The following CUX1 variants were observed in gnomAD, a reference collection of about 807,000 sequenced individuals.
The protein encoded by CUX1 is cut like homeobox 1.
CUX1 carries 31 observed loss-of-function variants against 158.8 expected under a neutral mutation model. That is an observed-to-expected ratio of 0.20 (90% CI 0.15 to 0.26). CUX1 has a LOEUF of 0.26. Ranked by LOEUF, CUX1 falls within the 10% of genes least tolerant of loss-of-function variation. The pLI is 1.00. For missense variants in CUX1, 1,589 were observed against 2,014.6 expected, an observed-to-expected ratio of 0.79 and a Z score of 4.04; for synonymous variants, 879 against 862.1, an observed-to-expected ratio of 1.02 and a Z score of -0.34.
At chr7:101,955,581 CG>C (rs1249333749) in intron 2 of CUX1, among the ~76,000 whole-genome samples, 1 of 152,184 alleles carries the variant, frequency 6.6e-6, no homozygotes, top group Non-Finnish European at 1.5e-5. Flanking sequence ...TCCCAGGGAA[CG>C]CACAGCTGGG....
Position 102,197,272 on chromosome 7 carries a change from C to T in CUX1, c.1861C>T (p.Leu621=), listed in dbSNP as rs1454491526. 8.1e-6 allele frequency: 13 copies of T among 1,613,834 alleles called. No individual in the cohort carries two copies. Among genetic ancestry groups the T allele is most frequent in the Non-Finnish European group, 1.1e-5 (13 of 1,179,886 alleles). ...GTTCCTCTCCGATGAGCAGAACATC[C>T]TGGCCCTCCGTAGCATCCAAGGCAG... ...KQFLSDEQNI[L]ALRSIQGRQR... Residue 621 remains leucine, a synonymous_variant, in exon 15 of 24, where the codon CTG becomes TTG. Transcript: ENST00000292535.
chr7:102,202,956 C>T (rs1205937227), intron 18 of CUX1, among the ~76,000 whole-genome samples: 1 of 152,066 alleles, frequency 6.6e-6, no homozygotes, highest in Non-Finnish European at 1.5e-5. Context: ...AACATCATGT[C>T]CTAGTATCAT....
chr7:102,144,378 T>C (rs1834802569), intron 8 of CUX1, among the ~76,000 whole-genome samples: 1 of 152,172 alleles, frequency 6.6e-6, no homozygotes, highest in South Asian at 2.1e-4. Flanking sequence ...CATCTCCCGT[T>C]CATGGCCCAT....
At chr7:101,952,219 CA>C (rs541073733) in intron 2 of CUX1, among the ~76,000 whole-genome samples, 3 of 150,362 alleles carry the variant, frequency 2.0e-5, no homozygotes, top group Non-Finnish European at 4.4e-5. Context: ...CCCGTCTCTA[CA>C]AAAAAAAATA....
chr7:101,972,972 C>A (rs1327338479), intron 2 of CUX1, among the ~76,000 whole-genome samples: 1 of 152,168 alleles, frequency 6.6e-6, no homozygotes, highest in African/African-American at 2.4e-5. Flanking sequence ...CGTTACTGAC[C>A]AGTGCAGCCA....
At chr7:101,816,112 C>A (rs376760578), upstream of CUX1, 2 of 1,327,048 alleles carry the variant, frequency 1.5e-6, no homozygotes, top group Admixed American at 4.4e-5. Context: ...CCTCCGCGCT[C>A]GGCCTCGCGC....
intron 20 of CUX1, among the ~76,000 whole-genome samples, chr7:102,222,543 T>A (rs571412830): frequency 1.3e-5 from 2 of 152,230 alleles, no homozygotes; most frequent in African/African-American, 4.8e-5. Context: ...AGCTCGCTGC[T>A]CCATTCACGC....
chr7:101,886,039 T>A (rs1442020626), intron 1 of CUX1, among the ~76,000 whole-genome samples: 1 of 152,056 alleles, frequency 6.6e-6, no homozygotes, highest in Non-Finnish European at 1.5e-5. Context: ...TCCCCATGCC[T>A]CTGTGGGGGA....
At chr7:102,040,763 A>T (rs1821967215) in intron 3 of CUX1, among the ~76,000 whole-genome samples, 1 of 152,194 alleles carries the variant, frequency 6.6e-6, no homozygotes, top group Non-Finnish European at 1.5e-5. Context: ...AGAGCATTTC[A>T]CAGGGAGCCA....
At chr7:101,933,115 T>G (rs1199094388) in intron 2 of CUX1, among the ~76,000 whole-genome samples, 1 of 152,254 alleles carries the variant, frequency 6.6e-6, no homozygotes, top group African/African-American at 2.4e-5. Flanking sequence ...AAATTCTTTT[T>G]GCATGAACAC....
chr7:102,269,118 T>G (rs1258282324), intron 14 of CUX1, among the ~76,000 whole-genome samples: 1 of 147,892 alleles, frequency 6.8e-6, no homozygotes, highest in Non-Finnish European at 1.5e-5. Flanking sequence ...GTGTGGGTTT[T>G]TTTGTTTGTT....
At chr7:102,136,099 C>A (rs543090607) in intron 8 of CUX1, among the ~76,000 whole-genome samples, 6 of 151,574 alleles carry the variant, frequency 4.0e-5, no homozygotes, top group African/African-American at 7.3e-5. Flanking sequence ...GTTTGTTATT[C>A]TTTAATACTC....
chr7:102,012,936 T>C (rs1334757107), intron 2 of CUX1, among the ~76,000 whole-genome samples: 1 of 152,182 alleles, frequency 6.6e-6, no homozygotes, highest in East Asian at 1.9e-4. Context: ...GTTTTTCAGC[T>C]GATTCCCAAA....
At chr7:102,115,372 T>G in intron 8 of CUX1, 99 bp downstream of exon 8, 1 of 974,534 alleles carries the variant, frequency 1.0e-6, no homozygotes, top group Non-Finnish European at 1.6e-6. Flanking sequence ...TCTGTGCTGC[T>G]GCAGGGACAC....
At chr7:101,886,877 C>G (rs990243707) in intron 1 of CUX1, among the ~76,000 whole-genome samples, 8 of 152,170 alleles carry the variant, frequency 5.3e-5, no homozygotes, top group African/African-American at 1.9e-4. Context: ...GCCATGTGAC[C>G]TAAATGGGAG....
chr7:101,828,783 T>C (rs1345142199), intron 1 of CUX1, among the ~76,000 whole-genome samples: 1 of 152,098 alleles, frequency 6.6e-6, no homozygotes, highest in African/African-American at 2.4e-5. Flanking sequence ...GCAGAAGCAT[T>C]TGCTTGGATT....
At chr7:102,222,074 C>T (rs1797863497) in intron 20 of CUX1, among the ~76,000 whole-genome samples, 1 of 152,026 alleles carries the variant, frequency 6.6e-6, no homozygotes, top group East Asian at 1.9e-4. Flanking sequence ...GTCTGGGCAA[C>T]ATAGCAAGAC....
intron 8 of CUX1, among the ~76,000 whole-genome samples, chr7:102,146,667 G>A (rs1214365419): frequency 3.3e-5 from 5 of 151,778 alleles, no homozygotes; most frequent in South Asian, 2.1e-4. Context: ...GCGTGATCTC[G>A]GCTCACTGTA....
intron 2 of CUX1, among the ~76,000 whole-genome samples, chr7:101,999,028 G>A (rs1816340618): frequency 6.6e-6 from 1 of 151,930 alleles, no homozygotes; most frequent in Non-Finnish European, 1.5e-5. Context: ...CAGGAATGCT[G>A]GCCTCCATCG....
Sources: allele counts gnomAD v4.1 joint callset (sites outside exome capture counted in the v4.1 genomes callset), GRCh38; gene constraint gnomAD v4.1.1; transcripts MANE v1.5; gene names NCBI Gene and HGNC (gene_info 2026-07-23, HGNC 2026-07-21).